The following DMD variants were observed in gnomAD, a reference collection of about 807,000 sequenced individuals.
DMD encodes the protein mutant dystrophin.
A neutral mutation model predicts 330.1 loss-of-function variants in DMD; 63 were observed. That is an observed-to-expected ratio of 0.19 (90% CI 0.16 to 0.24). DMD has a LOEUF of 0.24. Ranked by LOEUF, DMD falls within the 10% of genes least tolerant of loss-of-function variation. The pLI is 1.00. For missense variants in DMD, 3,344 were observed against 2,684.1 expected, an observed-to-expected ratio of 1.25 and a Z score of -5.43; for synonymous variants, 1,223 against 959.8, an observed-to-expected ratio of 1.27 and a Z score of -5.07.
At chrX:31,500,242 T>C (rs1316404912) in intron 56 of DMD, among the ~76,000 whole-genome samples, 1 of 112,159 alleles carries the variant, frequency 8.9e-6, no homozygotes, top group Non-Finnish European at 1.9e-5. Flanking sequence ...TAAGAAACAT[T>C]TGAGTAGCTT....
At chrX:32,746,969 C>T (rs779811670) in intron 7 of DMD, among the ~76,000 whole-genome samples, 2 of 112,013 alleles carry the variant, frequency 1.8e-5, no homozygotes, top group South Asian at 3.7e-4. Flanking sequence ...TTTATCTCTT[C>T]GTGCCCGACT....
At chrX:31,229,849 A>G (rs2047027177) in intron 63 of DMD, among the ~76,000 whole-genome samples, 3 of 112,267 alleles carry the variant, frequency 2.7e-5, no homozygotes, top group African/African-American at 9.7e-5. Flanking sequence ...AAGGATTCTA[A>G]TGGACTTTTC....
intron 60 of DMD, among the ~76,000 whole-genome samples, chrX:31,356,213 T>G (rs1227144821): frequency 8.9e-6 from 1 of 111,941 alleles, no homozygotes; most frequent in East Asian, 2.8e-4. Flanking sequence ...AGATTTTGTG[T>G]GACTTATGGC....
chrX:31,858,775 T>C lies in DMD; in HGVS notation c.7098+16413A>G, dbSNP rs769445352. Among the ~76,000 whole-genome samples, 11 of 110,549 alleles carry C rather than the reference T, an allele frequency of 1.0e-4. 1 individual carries two copies. The South Asian group carries it at 3.8e-3, about 39-fold the overall frequency. On this transcript the variant is annotated intron_variant, in intron 48 of 78. Coordinates refer to ENST00000357033, the MANE Select transcript of DMD (RefSeq NM_004006.3). ...CCATTGGGAAATAAAGTAACAAAGA[T>C]TATGGCCACAGTTTATCTTGCTTTT... is the stretch of plus-strand genomic sequence containing the variant.
At chrX:32,425,001 T>A (rs2098205817) in intron 29 of DMD, among the ~76,000 whole-genome samples, 1 of 111,504 alleles carries the variant, frequency 9.0e-6, no homozygotes, top group Admixed American at 9.6e-5. Context: ...TGCGGCTGTA[T>A]GTGTGTGGTT....
chrX:32,661,119 C>T (rs1297773986), intron 9 of DMD, among the ~76,000 whole-genome samples: 1 of 111,220 alleles, frequency 9.0e-6, no homozygotes, highest in Non-Finnish European at 1.9e-5. Context: ...TTTCTTAATT[C>T]TTAAATAAGC....
At chrX:32,983,566 C>CAA (rs1349836035) in intron 2 of DMD, among the ~76,000 whole-genome samples, 3 of 80,904 alleles carry the variant, frequency 3.7e-5, no homozygotes, top group African/African-American at 1.0e-4. Context: ...CACACACACA[C>CAA]ACACACACAT....
intron 7 of DMD, among the ~76,000 whole-genome samples, chrX:32,742,591 C>A (rs1377274838): frequency 9.0e-6 from 1 of 111,710 alleles, no homozygotes; most frequent in Non-Finnish European, 1.9e-5. Flanking sequence ...TAAAGCTCAT[C>A]TGGACAATCA....
At chrX:31,440,955 C>T (rs2064897529) in intron 60 of DMD, among the ~76,000 whole-genome samples, 1 of 111,969 alleles carries the variant, frequency 8.9e-6, no homozygotes, top group Admixed American at 9.4e-5. Context: ...TGCTCACATC[C>T]CTTAACTGGT....
rs768217088 is a variant in DMD at position 33,311,147 on chromosome X, G to A, written c.7+28112C>T. ...CATATATACATACATACTTCATACT[G>A]TATATACCTACTTTAATATATAGAT... is the stretch of plus-strand genomic sequence containing the variant. On this transcript the variant is annotated intron_variant, in intron 1 of 17. Coordinates refer to the DMD transcript ENST00000288447. Among the ~76,000 whole-genome samples the A allele has an allele frequency of 1.5e-4, 16 of 109,074 alleles. No individual in the cohort carries two copies. The South Asian group carries it at 6.1e-3, about 41-fold the overall frequency. 94.7% of individuals were successfully genotyped at this position (109,074 alleles called of 115,157 possible).
At chrX:32,989,435 T>C (rs752223930) in intron 2 of DMD, among the ~76,000 whole-genome samples, 7 of 111,572 alleles carry the variant, frequency 6.3e-5, no homozygotes, top group Non-Finnish European at 1.1e-4. Context: ...TTCATCATGA[T>C]GGTGTTAACA....
chrX:31,735,958 C>A lies in DMD; in HGVS notation c.7543-6210G>T, dbSNP rs1344502545. 2.7e-5 allele frequency among the ~76,000 whole-genome samples: 3 copies of A among 111,695 alleles called. No individual in the cohort carries two copies. In the East Asian group the frequency reaches 8.4e-4, roughly 31 times the overall value. On this transcript the variant is annotated intron_variant, in intron 51 of 78. Coordinates refer to ENST00000357033, the MANE Select transcript of DMD (RefSeq NM_004006.3). ...ACAAGGATCTGCATTAGAAGGGATT[C>A]ATACTTGGTTTCATGCTCTACTGTT...
At chrX:33,232,737 A>G (rs1328629955) in intron 1 of DMD, among the ~76,000 whole-genome samples, 1 of 111,280 alleles carries the variant, frequency 9.0e-6, no homozygotes, top group East Asian at 2.8e-4. Flanking sequence ...CTAAAAATAC[A>G]AAAAATTAGC....
intron 60 of DMD, among the ~76,000 whole-genome samples, chrX:31,352,372 G>A (rs1368206484): frequency 1.8e-5 from 2 of 111,471 alleles, no homozygotes; most frequent in Admixed American, 9.6e-5. Context: ...GATGCCATAT[G>A]GGAGTGGACA....
intron 16 of DMD, among the ~76,000 whole-genome samples, chrX:32,558,938 C>CTTTTTTTTTTTTTTTTTTTTT (rs60739281): frequency 3.9e-5 from 2 of 50,830 alleles, no homozygotes; most frequent in Admixed American, 2.9e-4. Context: ...TTCAAATTTT[C>CTTTTTTTTTTTTTTTTTTTTT]TTTTTTTTTT....
intron 12 of DMD, among the ~76,000 whole-genome samples, chrX:32,603,062 C>T (rs1425001692): frequency 9.0e-6 from 1 of 111,222 alleles, no homozygotes; most frequent in Non-Finnish European, 1.9e-5. Context: ...ACAGAATGTA[C>T]ATTATTCTCA....
chrX:32,822,410 C>T (rs981247385), intron 5 of DMD, among the ~76,000 whole-genome samples: 6 of 109,332 alleles, frequency 5.5e-5, no homozygotes, highest in African/African-American at 1.3e-4. Context: ...ATGTGTATAA[C>T]GAGTTACTAT....
rs763075102 is a variant in DMD, at chrX:32,042,485, G to A, written c.6439-73971C>T. On this transcript the variant is annotated intron_variant, in intron 44 of 78. Coordinates refer to ENST00000357033, the MANE Select transcript of DMD (RefSeq NM_004006.3). ...GATTCACTATCAGGAGAACAGCATGGGCAAAACCACCCTCAAGATCCAATT... is the reference window on the plus strand; with the variant it reads ...GATTCACTATCAGGAGAACAGCATGAGCAAAACCACCCTCAAGATCCAATT... 9.9e-5 allele frequency among the ~76,000 whole-genome samples: 11 copies of A among 110,599 alleles called. No homozygotes were observed. In the East Asian group the frequency reaches 2.6e-3, roughly 26 times the overall value.
intron 30 of DMD, among the ~76,000 whole-genome samples, chrX:32,398,262 AAC>A (rs1491191703): frequency 1.0e-3 from 83 of 83,126 alleles, no homozygotes; most frequent in African/African-American, 4.4e-3. Context: ...TCTTTTTTTA[AAC>A]CCCCCCCCCC....
Sources: gnomAD v4.1 joint callset for allele counts (sites outside exome capture counted in the v4.1 genomes callset) on GRCh38, gnomAD v4.1.1 for gene constraint, MANE v1.5 for transcripts, NCBI Gene and HGNC (gene_info 2026-07-23, HGNC 2026-07-21) for gene names.